The following COX7B2 variants were observed in gnomAD, a reference collection of about 807,000 sequenced individuals.
COX7B2 encodes cytochrome c oxidase subunit 7B2, also known as cytochrome c oxidase subunit 7B2, mitochondrial.
For missense variants in COX7B2, 109 were observed against 95.9 expected, an observed-to-expected ratio of 1.14 and a Z score of -0.57; for synonymous variants, 37 against 32.1, an observed-to-expected ratio of 1.15 and a Z score of -0.51.
intron 1 of COX7B2, among the ~76,000 whole-genome samples, chr4:46,894,115 T>C (rs1719605645): frequency 6.6e-6 from 1 of 152,156 alleles, no homozygotes; most frequent in South Asian, 2.1e-4. Context: ...GTCAATGCTA[T>C]TCCCATCAAA....
intron 2 of COX7B2, among the ~76,000 whole-genome samples, chr4:46,797,244 T>A (rs989951689): frequency 6.6e-6 from 1 of 151,896 alleles, no homozygotes; most frequent in Non-Finnish European, 1.5e-5. Context: ...AACTGTACAC[T>A]GGGGAAAAGG....
At chr4:46,759,039 A>G (rs1396821386) in intron 2 of COX7B2, among the ~76,000 whole-genome samples, 3 of 152,114 alleles carry the variant, frequency 2.0e-5, no homozygotes, top group Non-Finnish European at 4.4e-5. Flanking sequence ...GCACAATCTC[A>G]CACTGTCTTA....
At position 46,823,079 on chromosome 4, in the gene COX7B2, T is replaced by C. The variant is rs541012016; in HGVS notation, c.-50+21881A>G. 1.5e-3 allele frequency among the ~76,000 whole-genome samples: 232 copies of C among 152,154 alleles called. 1 individual carries two copies. The highest frequency in any genetic ancestry group is 2.6e-3 in the Non-Finnish European group (176 of 68,008). On this transcript the variant is annotated intron_variant, in intron 2 of 2. Transcript: ENST00000355591. ...TGAATCCCCCAAGGGCCTACAGATA[T>C]AGGTGTGTTCTGTTTTATAGCCTTT...
rs1013540103 is a variant in COX7B2, at chr4:46,896,405, A to C, written c.-105+12755T>G. On this transcript the variant is annotated intron_variant, in intron 1 of 2. Transcript: ENST00000355591. ...CAATTTTAGGACTTACATACCCAATAAATGCAATAAATAATTAAAGCCAGC... is the reference window on the plus strand; with the variant it reads ...CAATTTTAGGACTTACATACCCAATCAATGCAATAAATAATTAAAGCCAGC... Among the ~76,000 whole-genome samples the C allele has an allele frequency of 6.6e-5, 10 of 152,322 alleles. 2 individuals are homozygous for C. The highest frequency in any genetic ancestry group is 1.3e-4 in the Admixed American group (2 of 15,294).
intron 2 of COX7B2, among the ~76,000 whole-genome samples, chr4:46,832,112 C>T (rs1715166927): frequency 6.6e-6 from 1 of 152,140 alleles, no homozygotes. Flanking sequence ...CAGTGGCAAC[C>T]TGCTCGGGTC....
At chr4:46,818,964 G>T (rs906204993) in intron 2 of COX7B2, among the ~76,000 whole-genome samples, 1 of 152,124 alleles carries the variant, frequency 6.6e-6, no homozygotes, top group African/African-American at 2.4e-5. Flanking sequence ...CAGTGTATCA[G>T]GTGCTTTATA....
At chr4:46,880,438 G>A (rs1320896710) in intron 1 of COX7B2, among the ~76,000 whole-genome samples, 2 of 124,752 alleles carry the variant, frequency 1.6e-5, no homozygotes, top group Non-Finnish European at 3.3e-5. Flanking sequence ...TTTTTTTCTG[G>A]GTAGGCTATT....
intron 2 of COX7B2, among the ~76,000 whole-genome samples, chr4:46,813,203 C>A (rs1384600760): frequency 6.6e-6 from 1 of 152,120 alleles, no homozygotes; most frequent in African/African-American, 2.4e-5. Context: ...AAATAATATT[C>A]AATTGTGTAT....
chr4:46,749,833 T>C (rs1340085045), intron 2 of COX7B2, among the ~76,000 whole-genome samples: 1 of 152,188 alleles, frequency 6.6e-6, no homozygotes, highest in Admixed American at 6.6e-5. Context: ...TATAGCACTC[T>C]AACACACTGG....
chr4:46,877,525 C>G (rs574558080), intron 1 of COX7B2, among the ~76,000 whole-genome samples: 2 of 152,214 alleles, frequency 1.3e-5, no homozygotes, highest in South Asian at 4.1e-4. Context: ...AGGAATTAAG[C>G]TGTTCTACTA....
chr4:46,837,135 T>C (rs1385583444), intron 2 of COX7B2, among the ~76,000 whole-genome samples: 2 of 151,996 alleles, frequency 1.3e-5, no homozygotes, highest in Non-Finnish European at 2.9e-5. Context: ...TAAAGATCTT[T>C]AAGAGACTCT....
chr4:46,824,664 A>C (rs1282842673), intron 2 of COX7B2, among the ~76,000 whole-genome samples: 1 of 151,952 alleles, frequency 6.6e-6, no homozygotes, highest in African/African-American at 2.4e-5. Flanking sequence ...TAAAAAAAAA[A>C]AAAAAAAGCA....
At chr4:46,803,065 T>A (rs181794937) in intron 2 of COX7B2, among the ~76,000 whole-genome samples, 158 of 152,280 alleles carry the variant, frequency 1.0e-3, no homozygotes, top group African/African-American at 3.6e-3. Flanking sequence ...CTGTGATAAA[T>A]ATTTTTATAT....
chr4:46,855,378 T>G (rs1266723736), intron 1 of COX7B2, among the ~76,000 whole-genome samples: 2 of 152,082 alleles, frequency 1.3e-5, no homozygotes, highest in African/African-American at 4.8e-5. Flanking sequence ...TTTATGTGCC[T>G]GTGTACTTTT....
chr4:46,832,994 C>T lies in COX7B2; in HGVS notation c.-50+11966G>A, dbSNP rs373938055. 3.9e-5 allele frequency among the ~76,000 whole-genome samples: 6 copies of T among 152,270 alleles called. No individual in the cohort carries two copies. In the East Asian group the frequency reaches 1.2e-3, roughly 29 times the overall value. Reference sequence around the variant, plus strand: ...GATCTTGGCTTACCACAACCTCCGCCTCCCGGGTTCAAGTGATTCTCCTGC... The same window carrying T: ...GATCTTGGCTTACCACAACCTCCGCTTCCCGGGTTCAAGTGATTCTCCTGC... On this transcript the variant is annotated intron_variant, in intron 2 of 2. Coordinates refer to ENST00000355591, the MANE Select transcript of COX7B2 (RefSeq NM_130902.3).
intron 1 of COX7B2, among the ~76,000 whole-genome samples, chr4:46,886,749 A>AT (rs1719106537): frequency 6.6e-6 from 1 of 152,160 alleles, no homozygotes; most frequent in African/African-American, 2.4e-5. Flanking sequence ...CTAAACATGA[A>AT]TTTTTTTCTC....
At chr4:46,889,913 T>C (rs62303664) in intron 1 of COX7B2, among the ~76,000 whole-genome samples, 7 of 150,142 alleles carry the variant, frequency 4.7e-5, no homozygotes, top group South Asian at 2.1e-4. Flanking sequence ...TTTTTTTTTT[T>C]CCTAATGTTT....
rs192705231 is a variant in COX7B2 at position 46,813,970 on chromosome 4, A to G, written c.-50+30990T>C. On this transcript the variant is annotated intron_variant, in intron 2 of 2. Coordinates refer to ENST00000355591, the MANE Select transcript of COX7B2 (RefSeq NM_130902.3). ...CTAATCCTCAGAGAAATGAAAATCA[A>G]AACTGTAATGAGATATTATCTCATC... is the stretch of plus-strand genomic sequence containing the variant. Among the ~76,000 whole-genome samples the G allele has an allele frequency of 3.2e-4, 48 of 152,350 alleles. 1 individual carries two copies. Among genetic ancestry groups the G allele is most frequent in the Admixed American group, 2.1e-3 (32 of 15,308 alleles).
At chr4:46,809,792 C>T (rs956848976) in intron 2 of COX7B2, among the ~76,000 whole-genome samples, 8 of 151,830 alleles carry the variant, frequency 5.3e-5, no homozygotes, top group African/African-American at 1.9e-4. Context: ...AATTTAAGTC[C>T]AGCATTTACT....
Sources: allele counts gnomAD v4.1 joint callset (sites outside exome capture counted in the v4.1 genomes callset), GRCh38; gene constraint gnomAD v4.1.1; transcripts MANE v1.5; gene names NCBI Gene and HGNC (gene_info 2026-07-23, HGNC 2026-07-21).